Variants in BICRA observed in about 807,000 individuals in gnomAD.
BICRA encodes BRD4 interacting chromatin remodeling complex associated protein.
In BICRA, 31 loss-of-function variants were observed where a neutral mutation model predicts 96.9. That is an observed-to-expected ratio of 0.32 (90% confidence interval 0.24 to 0.43). The LOEUF (loss-of-function observed/expected upper bound fraction) is 0.43. Ranked by LOEUF, BICRA falls within the 20% of genes least tolerant of loss-of-function variation. BICRA has a pLI of 1.00. For synonymous variants in BICRA, 1,350 were observed against 1,071.8 expected (o/e 1.26, Z -5.07); for missense variants, 2,283 against 2,190.3 (o/e 1.04, Z -0.84).
chr19:47,693,369 G>A (rs1028714439), intron 7 of BICRA, among the ~76,000 whole-genome samples: 2 of 152,234 alleles, frequency 1.3e-5, no homozygotes, highest in Admixed American at 6.5e-5. Context: ...GCACACGCAT[G>A]CACGCTTGTA....
Position 47,701,332 on chromosome 19 carries a change from G to A in BICRA, c.3600G>A (p.Glu1200=). ...DKQLAKEKPD[E]YVSSSRSLGL... ...TTCTTTGCCCCGATTCTGCAGACGA[G>A]TACGTGTCTTCCTCCCGCTCGCTCG... The change falls in exon 15 of 15, where the codon GAG becomes GAA. Residue 1200 remains glutamate (E), a synonymous_variant. Transcript: ENST00000594866. The surrounding 1 kb of genome is among the most constrained non-coding windows in gnomAD (Gnocchi z 5.4). 1 of 1,609,728 alleles carries A rather than the reference G, an allele frequency of 6.2e-7. No homozygotes were observed. Among genetic ancestry groups the A allele is most frequent in the Non-Finnish European group, 8.5e-7 (1 of 1,178,680 alleles).
chr19:47,680,734 G>A lies in BICRA; in HGVS notation c.1564G>A (p.Gly522Ser). ...NPILTNQNLA[G>S]PLSLGPVLAP... Reference sequence around the variant, plus strand: ...CATCCTCACAAACCAGAACCTGGCGGGCCCACTGAGCCTGGGCCCCGTGTT... The same window carrying A: ...CATCCTCACAAACCAGAACCTGGCGAGCCCACTGAGCCTGGGCCCCGTGTT... Residue 522 changes from glycine (G) to serine (S), a missense_variant, in exon 6 of 15, where the codon GGC becomes AGC. Coordinates refer to ENST00000594866, the MANE Select transcript of BICRA (RefSeq NM_001394372.1). 1.2e-6 allele frequency: 2 copies of A among 1,605,704 alleles called. No individual in the cohort carries two copies. The highest frequency in any genetic ancestry group is 1.1e-5 in the South Asian group (1 of 90,194).
At chr19:47,629,120 G>C (rs1972182291) in intron 1 of BICRA, among the ~76,000 whole-genome samples, 2 of 152,086 alleles carry the variant, frequency 1.3e-5, no homozygotes, top group South Asian at 4.1e-4. Context: ...TCCTGCCTCA[G>C]CCTCCCAAGT....
chr19:47,695,444 C>T lies in BICRA; in HGVS notation c.3156C>T (p.Ser1052=), dbSNP rs774496365. The change falls in exon 10 of 15, where the codon TCC becomes TCT. Residue 1052 remains serine, a synonymous_variant. Transcript: ENST00000594866. The part of the protein sequence containing the change: ...LPTLNVAKAA[S]SGPGKPSGLQ... ...CCCTGAATGTGGCCAAGGCCGCTTC[C>T]TCCGGGCCAGGGAAGCCCTCCGGGC... is the stretch of plus-strand genomic sequence containing the variant. The T allele has an allele frequency of 3.8e-6, 6 of 1,593,420 alleles. No individual in the cohort carries two copies. In the African/African-American group the frequency reaches 6.7e-5, roughly 18 times the overall value.
At chr19:47,623,036 CAA>C (rs879282736) in intron 1 of BICRA, among the ~76,000 whole-genome samples, 2 of 124,822 alleles carry the variant, frequency 1.6e-5, no homozygotes, top group Admixed American at 8.1e-5. Context: ...GAGGCCATCT[CAA>C]AAAAAAAAAA....
chr19:47,653,742 G>A (rs1038664696), intron 1 of BICRA, among the ~76,000 whole-genome samples: 2 of 152,182 alleles, frequency 1.3e-5, no homozygotes, highest in African/African-American at 4.8e-5. Flanking sequence ...CACCACATCT[G>A]TTTATCCGTT....
At chr19:47,637,326 A>G (rs569300425) in intron 1 of BICRA, among the ~76,000 whole-genome samples, 1 of 152,046 alleles carries the variant, frequency 6.6e-6, no homozygotes, top group East Asian at 1.9e-4. Flanking sequence ...TCACCATGTT[A>G]GCCAGGATGG....
chr19:47,619,907 C>T (rs1972040356), intron 1 of BICRA, among the ~76,000 whole-genome samples: 1 of 152,158 alleles, frequency 6.6e-6, no homozygotes, highest in African/African-American at 2.4e-5. Flanking sequence ...TATCAAGATA[C>T]AGCACATTCT....
At chr19:47,679,253 CAGCTGTGGCCTAAGCGT>C in intron 5 of BICRA, 51 bp from the exon 6 acceptor site, 1 of 1,169,502 alleles carries the variant, frequency 8.6e-7, no homozygotes, top group Non-Finnish European at 1.1e-6. Context: ...TTCTTTGCGG[CAGCTGTGGCCTAAGCGT>C]AGCCCCTTGC....
chr19:47,624,594 T>C (rs1170037177), intron 1 of BICRA, among the ~76,000 whole-genome samples: 1 of 152,158 alleles, frequency 6.6e-6, no homozygotes, highest in Non-Finnish European at 1.5e-5. Flanking sequence ...ATAGACTCAC[T>C]GGACAAAGGG....
intron 1 of BICRA, among the ~76,000 whole-genome samples, chr19:47,649,625 A>C (rs1972513564): frequency 6.6e-6 from 1 of 152,244 alleles, no homozygotes; most frequent in African/African-American, 2.4e-5. Flanking sequence ...AATAGAACAG[A>C]GAGTCCAGAA....
chr19:47,618,163 G>A (rs1972012015), intron 1 of BICRA, among the ~76,000 whole-genome samples: 1 of 152,308 alleles, frequency 6.6e-6, no homozygotes, highest in South Asian at 2.1e-4. Context: ...TGGGGTACAG[G>A]TTCTGTTACT....
chr19:47,652,239 G>A (rs1286866052), intron 1 of BICRA, among the ~76,000 whole-genome samples: 1 of 152,138 alleles, frequency 6.6e-6, no homozygotes, highest in East Asian at 1.9e-4. Flanking sequence ...AGGCTGGAGT[G>A]CAATCGTGTG....
intron 1 of BICRA, among the ~76,000 whole-genome samples, chr19:47,638,635 A>ACACT (rs1410132749): frequency 6.6e-6 from 1 of 151,050 alleles, no homozygotes; most frequent in African/African-American, 2.4e-5. Context: ...ACACACACAC[A>ACACT]CTTTTTAAGG....
rs780889156 is a variant in BICRA at position 47,680,884 on chromosome 19, C to T, written c.1714C>T (p.Pro572Ser). The T allele has an allele frequency of 1.4e-6, 2 of 1,469,534 alleles. No individual in the cohort carries two copies. The highest frequency in any genetic ancestry group is 1.4e-5 in the African/African-American group (1 of 69,386). 91.0% of individuals were successfully genotyped at this position (1,469,534 alleles called of 1,614,324 possible). Residue 572 changes from proline (P) to serine (S), a missense_variant, in exon 6 of 15, where the codon CCA (proline) becomes TCA (serine). Coordinates refer to ENST00000594866, the MANE Select transcript of BICRA (RefSeq NM_001394372.1). ...GGGCAGCCTGCCCACGCAGAGCCAG[C>T]CAGCGCCCGCCGGGCCGGCCGCCAC... ...AAGSLPTQSQ[P>S]APAGPAATTV... is the part of the protein sequence containing the mutation.
rs77051091 is a variant in BICRA at position 47,643,848 on chromosome 19, C to T, written c.-107-26595C>T. On this transcript the variant is annotated intron_variant, in intron 1 of 14. Coordinates refer to ENST00000594866, the MANE Select transcript of BICRA (RefSeq NM_001394372.1). Reference sequence around the variant, plus strand: ...AGGCTGGCTGCGAGACTACCACATGCGTGTTCAGCTGGAACACCACTGACC... The same window carrying T: ...AGGCTGGCTGCGAGACTACCACATGTGTGTTCAGCTGGAACACCACTGACC... 7.8e-4 allele frequency among the ~76,000 whole-genome samples: 118 copies of T among 152,196 alleles called. 2 individuals are homozygous for T. In the East Asian group the frequency reaches 0.014, roughly 18 times the overall value.
At chr19:47,674,447 G>A (rs528408238) in intron 4 of BICRA, among the ~76,000 whole-genome samples, 2 of 152,358 alleles carry the variant, frequency 1.3e-5, no homozygotes, top group Admixed American at 6.5e-5. Context: ...ATGGGGAAAA[G>A]TAGAAGTCTG....
In BICRA at chr19:47,625,114, C is replaced by T. The variant is rs532880913; in HGVS notation, c.-108+15946C>T. ...TCCTGGGTTCAAGTAGTTCTCCTGC[C>T]TCAGCCTCCTGAGTAGCTGGGATTA... On this transcript the variant is annotated intron_variant, in intron 1 of 14. Transcript: ENST00000594866. Among the ~76,000 whole-genome samples, 765 of 150,718 alleles carry T rather than the reference C, an allele frequency of 5.1e-3. 5 individuals carry two copies. Among genetic ancestry groups the T allele is most frequent in the Non-Finnish European group, 8.6e-3 (583 of 67,862 alleles).
At chr19:47,616,698 T>C (rs1971989994) in intron 1 of BICRA, among the ~76,000 whole-genome samples, 1 of 152,006 alleles carries the variant, frequency 6.6e-6, no homozygotes, top group Non-Finnish European at 1.5e-5. Context: ...TCCTCTTCTG[T>C]AACAGAGCTT....
Sources: gnomAD v4.1 joint callset for allele counts (sites outside exome capture counted in the v4.1 genomes callset) on GRCh38, gnomAD v4.1.1 for gene constraint, Gnocchi (gnomAD v3.1) non-coding constraint, MANE v1.5 for transcripts, NCBI Gene and HGNC (gene_info 2026-07-23, HGNC 2026-07-21) for gene names.